The following IMMP2L variants were observed in gnomAD, a reference collection of about 807,000 sequenced individuals.
The protein encoded by IMMP2L is mitochondrial inner membrane protease subunit 2.
A neutral mutation model predicts 19.3 loss-of-function variants in IMMP2L; 18 were observed. The observed-to-expected ratio is 0.93, with a 90% confidence interval of 0.64 to 1.38. The LOEUF is 1.38. Ranked by LOEUF, IMMP2L falls within the 40% of genes most tolerant of loss-of-function variation. The pLI is 0.00. For synonymous variants in IMMP2L, 76 were observed against 73.0 expected, an observed-to-expected ratio of 1.04 and a Z score of -0.21; for missense variants, 233 against 218.2, an observed-to-expected ratio of 1.07 and a Z score of -0.43.
Position 111,552,218 on chromosome 7 carries a change from C to G in IMMP2L, c.-3+9633G>C, listed in dbSNP as rs533772003. On this transcript the variant is annotated intron_variant, in intron 1 of 5. Coordinates refer to ENST00000405709, the MANE Select transcript of IMMP2L (RefSeq NM_032549.4). ...GGAGCAAGGTGTGTCATAATGCTAACATGGCACAAAGCAAAATAATTCAAC... is the reference window on the plus strand; with the variant it reads ...GGAGCAAGGTGTGTCATAATGCTAAGATGGCACAAAGCAAAATAATTCAAC... 9.2e-5 allele frequency among the ~76,000 whole-genome samples: 14 copies of G among 152,262 alleles called. No individual in the cohort carries two copies. The South Asian group carries it at 2.7e-3, about 29-fold the overall frequency.
chr7:111,487,039 C>A (rs1197319065), intron 3 of IMMP2L, among the ~76,000 whole-genome samples, 199 bp downstream of exon 3: 3 of 151,972 alleles, frequency 2.0e-5, no homozygotes, highest in Non-Finnish European at 2.9e-5. Flanking sequence ...ATATGTTAGT[C>A]AACTAACATA....
intron 4 of IMMP2L, among the ~76,000 whole-genome samples, chr7:110,949,757 AC>A (rs1165906328): frequency 2.0e-5 from 3 of 152,152 alleles, no homozygotes; most frequent in Non-Finnish European, 2.9e-5. Flanking sequence ...TATTAAAAAA[AC>A]AGTAAGTGCA....
intron 5 of IMMP2L, among the ~76,000 whole-genome samples, chr7:110,677,549 C>T (rs919840287): frequency 7.2e-5 from 11 of 152,106 alleles, no homozygotes; most frequent in Admixed American, 5.2e-4. Flanking sequence ...CAAAGGCATG[C>T]ACACAGAATG....
At chr7:111,379,188 T>C (rs986154733) in intron 3 of IMMP2L, among the ~76,000 whole-genome samples, 14 of 145,640 alleles carry the variant, frequency 9.6e-5, no homozygotes, top group African/African-American at 3.6e-4. Context: ...CATTGAAAAC[T>C]TCAAGTAACC....
intron 3 of IMMP2L, among the ~76,000 whole-genome samples, chr7:111,079,218 C>G (rs551462962): frequency 1.3e-5 from 2 of 148,840 alleles, no homozygotes; most frequent in African/African-American, 4.9e-5. Context: ...CCCGGGTTCA[C>G]GCCATTCTCC....
At chr7:111,388,888 T>C (rs1832059009) in intron 3 of IMMP2L, among the ~76,000 whole-genome samples, 1 of 152,048 alleles carries the variant, frequency 6.6e-6, no homozygotes, top group Admixed American at 6.6e-5. Flanking sequence ...AATATATGTA[T>C]GTACATGCAT....
intron 3 of IMMP2L, among the ~76,000 whole-genome samples, chr7:111,021,248 G>A (rs55693011): frequency 0.47 from 70,962 of 152,004 alleles, 17,896 homozygotes; most frequent in Non-Finnish European, 0.58. Context: ...TCATCTTTCC[G>A]CCCTTTCTCC....
At position 111,502,030 on chromosome 7, in the gene IMMP2L, A is replaced by G. The variant is rs554163748; in HGVS notation, c.136-14689T>C. On this transcript the variant is annotated intron_variant, in intron 2 of 5. Transcript: ENST00000405709. ...CCAATTAAAAGACACAGACTGGCAA[A>G]TTGGATAAAGAGTCATACATCAGTG... Among the ~76,000 whole-genome samples, 574 of 152,140 alleles carry G rather than the reference A, an allele frequency of 3.8e-3. 2 individuals carry two copies. The highest frequency in any genetic ancestry group is 0.013 in the African/African-American group (550 of 41,560).
At position 111,123,232 on chromosome 7, in the gene IMMP2L, A is replaced by G. The variant is rs1160497243; in HGVS notation, c.240-159667T>C. The G allele has an allele frequency of 3.7e-6, 6 of 1,613,882 alleles. No homozygotes were observed. The highest frequency in any genetic ancestry group is 3.3e-5 in the Admixed American group (2 of 59,934). On this transcript the variant is annotated intron_variant, in intron 3 of 5. Transcript: ENST00000405709. The surrounding 1 kb of genome is among the most constrained non-coding windows in gnomAD (Gnocchi z 6.4). The stretch of plus-strand genomic sequence containing the variant: ...CTATATTAATCACAACTTGCTTTCT[A>G]CAATTTCACCTGGAGCCTTTATTGG...
chr7:110,941,629 C>G (rs1816737968), intron 4 of IMMP2L, among the ~76,000 whole-genome samples: 1 of 152,126 alleles, frequency 6.6e-6, no homozygotes, highest in Non-Finnish European at 1.5e-5. Context: ...AAATCACAAT[C>G]TGGTTTTATT....
chr7:110,754,830 C>T (rs1262769123), intron 5 of IMMP2L, among the ~76,000 whole-genome samples: 1 of 152,012 alleles, frequency 6.6e-6, no homozygotes, highest in Non-Finnish European at 1.5e-5. Context: ...CCTATATATT[C>T]CTCCAACAAG....
intron 3 of IMMP2L, among the ~76,000 whole-genome samples, chr7:111,320,601 C>A (rs944025754): frequency 1.3e-5 from 2 of 152,056 alleles, no homozygotes; most frequent in African/African-American, 4.8e-5. Context: ...TTGCTGCTCA[C>A]ACTGAACTCT....
intron 3 of IMMP2L, among the ~76,000 whole-genome samples, chr7:111,472,992 A>G (rs1335264188): frequency 6.6e-6 from 1 of 152,188 alleles, no homozygotes; most frequent in African/African-American, 2.4e-5. Flanking sequence ...ATAAAAATGA[A>G]TGAAGATTAT....
intron 3 of IMMP2L, among the ~76,000 whole-genome samples, chr7:111,315,470 C>T (rs1216399738): frequency 6.6e-6 from 1 of 151,582 alleles, no homozygotes; most frequent in Non-Finnish European, 1.5e-5. Context: ...ACAGAAACGA[C>T]ATGGATTTCT....
At chr7:111,183,238 C>T (rs558860181) in intron 3 of IMMP2L, among the ~76,000 whole-genome samples, 2 of 151,926 alleles carry the variant, frequency 1.3e-5, no homozygotes, top group Non-Finnish European at 2.9e-5. Context: ...AAAATTATGT[C>T]GATAAAATAT....
chr7:111,468,632 G>T (rs1004619228), intron 3 of IMMP2L, among the ~76,000 whole-genome samples: 3 of 152,124 alleles, frequency 2.0e-5, no homozygotes, highest in Non-Finnish European at 4.4e-5. Flanking sequence ...GCAGGAAAGT[G>T]ATATTATCCA....
At chr7:111,509,329 T>G (rs978682442) in intron 2 of IMMP2L, among the ~76,000 whole-genome samples, 9 of 151,778 alleles carry the variant, frequency 5.9e-5, no homozygotes, top group Non-Finnish European at 1.0e-4. Flanking sequence ...TACAAAAGGG[T>G]TTTCTCAAAC....
chr7:111,133,785 T>C (rs1802069087), intron 3 of IMMP2L, among the ~76,000 whole-genome samples: 1 of 151,984 alleles, frequency 6.6e-6, no homozygotes, highest in East Asian at 1.9e-4. Context: ...AGGCACACTC[T>C]ATACTCCACC....
At position 111,171,337 on chromosome 7, in the gene IMMP2L, A is replaced by T. The variant is rs560160991; in HGVS notation, c.240-207772T>A. 5.3e-5 allele frequency among the ~76,000 whole-genome samples: 8 copies of T among 151,796 alleles called. No homozygotes were observed. In the South Asian group the frequency reaches 1.7e-3, roughly 31 times the overall value. On this transcript the variant is annotated intron_variant, in intron 3 of 5. Coordinates refer to ENST00000405709, the MANE Select transcript of IMMP2L (RefSeq NM_032549.4). Reference sequence around the variant, plus strand: ...ACTACATTGAAATTATTAGAAACTCACTAGGGTAGCATAAAATCAATGTTT... The same window carrying T: ...ACTACATTGAAATTATTAGAAACTCTCTAGGGTAGCATAAAATCAATGTTT...
Sources: allele counts gnomAD v4.1 joint callset (sites outside exome capture counted in the v4.1 genomes callset), GRCh38; gene constraint gnomAD v4.1.1; non-coding constraint Gnocchi (gnomAD v3.1); transcripts MANE v1.5; gene names NCBI Gene and HGNC (gene_info 2026-07-23, HGNC 2026-07-21).